Variants in PRAME observed in about 807,000 individuals in gnomAD.
PRAME encodes melanoma antigen preferentially expressed in tumors.
A neutral mutation model predicts 32.1 loss-of-function variants in PRAME; 21 were observed. That is an observed-to-expected ratio of 0.65 (90% CI 0.46 to 0.94). The LOEUF is 0.94. Ranked by LOEUF, PRAME falls within the 40% of genes least tolerant of loss-of-function variation. PRAME has a pLI of 0.00. For missense variants in PRAME, 651 were observed against 622.3 expected, an observed-to-expected ratio of 1.05 and a Z score of -0.49; for synonymous variants, 274 against 251.5, an observed-to-expected ratio of 1.09 and a Z score of -0.85.
intron 2 of PRAME, 175 bp from the exon 3 acceptor site, chr22:22,557,084 G>A (rs1206458847): frequency 1.2e-5 from 7 of 573,492 alleles, no homozygotes; most frequent in Non-Finnish European, 2.2e-5. Flanking sequence ...AGTGTTTCCT[G>A]GGCTGAACCA....
chr22:22,550,520 A>G (rs1021774000), intron 4 of PRAME, among the ~76,000 whole-genome samples, 186 bp from the exon 5 acceptor site: 2 of 151,824 alleles, frequency 1.3e-5, no homozygotes, highest in South Asian at 2.1e-4. Context: ...CTGGTCCCCA[A>G]TTCCCACCCC....
intron 3 of PRAME, chr22:22,556,000 T>A: frequency 2.4e-6 from 1 of 422,786 alleles, no homozygotes; most frequent in Non-Finnish European, 5.1e-6. Context: ...AAGATTTTTT[T>A]TTTTTTTTTG....
chr22:22,559,262 C>G lies in PRAME; in HGVS notation c.-405G>C, dbSNP rs2063184717. 1 of 324,572 alleles carries G rather than the reference C, an allele frequency of 3.1e-6. No homozygotes were observed. Among genetic ancestry groups the G allele is most frequent in the African/African-American group, 2.3e-5 (1 of 42,870 alleles). 20.1% of individuals were successfully genotyped at this position (324,572 alleles called of 1,614,324 possible). ...GGCCCGGCTTCTGGCTGCGGGGGAG[C>G]TGTACCCTGAAGCCTCGCCGGAACT... On this transcript the variant is annotated 5_prime_UTR_variant, in exon 1 of 6. Transcript: ENST00000405655.
rs140739353 is a variant in PRAME at position 22,550,092 on chromosome 22, A to G, written c.587T>C (p.Ile196Thr). The G allele has an allele frequency of 2.5e-4, 399 of 1,613,886 alleles. 2 individuals carry two copies. The highest frequency in any genetic ancestry group is 2.8e-4 in the Non-Finnish European group (335 of 1,179,958). ...ATTTTTCTTTCGCTTCACTTTCTCA[A>G]TGAGGTAGGAGAACAATTCATCACA... ...GACDELFSYLIEKVKRKKNVL... is the reference protein window; with the variant it reads ...GACDELFSYLTEKVKRKKNVL... The change falls in exon 5 of 6, where the codon ATT becomes ACT. Residue 196 changes from isoleucine to threonine, a missense_variant. Coordinates refer to ENST00000405655, the MANE Select transcript of PRAME (RefSeq NM_206956.3).
At chr22:22,549,536 C>A (rs1175983906) in intron 5 of PRAME, among the ~76,000 whole-genome samples, 190 bp downstream of exon 5, 2 of 151,896 alleles carry the variant, frequency 1.3e-5, no homozygotes, top group African/African-American at 4.8e-5. Context: ...CTAATGTATA[C>A]CTCTAACCCT....
At position 22,548,434 on chromosome 22, in the gene PRAME, C is replaced by T; in HGVS notation, c.1163G>A (p.Cys388Tyr). The T allele has an allele frequency of 3.1e-6, 5 of 1,613,662 alleles. No individual in the cohort carries two copies. The highest frequency in any genetic ancestry group is 4.2e-6 in the Non-Finnish European group (5 of 1,179,936). Residue 388 changes from cysteine to tyrosine, a missense_variant, in exon 6 of 6, where the codon TGT becomes TAT. By Grantham distance (194) the Cys-to-Tyr change is radical. Coordinates refer to ENST00000405655, the MANE Select transcript of PRAME (RefSeq NM_206956.3). ...ATLQDLVFDE[C>Y]GITDDQLLAL... Reference sequence around the variant, plus strand: ...AAGGAGCTGATCATCCGTGATCCCACACTCATCAAAGACCAGGTCCTGGAG... The same window carrying T: ...AAGGAGCTGATCATCCGTGATCCCATACTCATCAAAGACCAGGTCCTGGAG...
intron 3 of PRAME, among the ~76,000 whole-genome samples, chr22:22,555,012 C>T (rs536753303): frequency 6.6e-6 from 1 of 152,080 alleles, no homozygotes; most frequent in Admixed American, 6.5e-5. Flanking sequence ...GAAGCAGCAC[C>T]AGGGGCACAT....
At chr22:22,549,075 G>A (rs1898674886) in intron 5 of PRAME, among the ~76,000 whole-genome samples, 1 of 151,928 alleles carries the variant, frequency 6.6e-6, no homozygotes, top group Non-Finnish European at 1.5e-5. Flanking sequence ...GCCTGATGAA[G>A]CTACTAGGGA....
chr22:22,556,059 T>A, intron 3 of PRAME: 1 of 342,128 alleles, frequency 2.9e-6, no homozygotes, highest in Non-Finnish European at 6.1e-6. Context: ...ACTGGCACCA[T>A]CTTGGCTCAC....
At chr22:22,555,976 G>A (rs1188379829) in intron 3 of PRAME, 1 of 440,984 alleles carries the variant, frequency 2.3e-6, no homozygotes, top group Non-Finnish European at 4.7e-6. Flanking sequence ...TGGCAATAAG[G>A]TCCACAATGC....
chr22:22,556,740 G>C (rs1412742781), intron 3 of PRAME, 72 bp downstream of exon 3: 1 of 1,581,440 alleles, frequency 6.3e-7, no homozygotes. Flanking sequence ...GCTCCCATCT[G>C]GCTCGAGTGA....
chr22:22,555,807 G>A (rs2062872043), intron 3 of PRAME: 1 of 458,052 alleles, frequency 2.2e-6, no homozygotes, highest in African/African-American at 2.0e-5. Context: ...GTGCAATCTT[G>A]TTGCTCACTT....
intron 2 of PRAME, 34 bp from the exon 3 acceptor site, chr22:22,556,943 G>A (rs8139318): frequency 0.61 from 840,947 of 1,372,272 alleles, 260,583 homozygotes; most frequent in East Asian, 0.76. Context: ...CCAAAAAGAA[G>A]AATACATGTA....
intron 1 of PRAME, 183 bp from the exon 2 acceptor site, chr22:22,557,763 G>C (rs1251996768): frequency 5.0e-5 from 2 of 40,240 alleles, no homozygotes; most frequent in Non-Finnish European, 8.5e-5. Context: ...AGAGGGGCTT[G>C]TTTTCAAAGA....
intron 3 of PRAME, chr22:22,552,963 A>T (rs934212114): frequency 2.1e-6 from 1 of 470,524 alleles, no homozygotes; most frequent in Non-Finnish European, 4.4e-6. Context: ...TGCCAACGGA[A>T]GAGCCAAATC....
intron 3 of PRAME, chr22:22,555,896 G>A (rs1397834586): frequency 6.4e-6 from 3 of 470,730 alleles, no homozygotes; most frequent in African/African-American, 4.0e-5. Context: ...CATACTCTCT[G>A]ACACCACTGG....
Position 22,557,438 on chromosome 22 carries a change from C to T in PRAME, c.-78+107G>A, listed in dbSNP as rs572522143. The T allele has an allele frequency of 5.1e-5, 8 of 155,646 alleles. 1 individual carries two copies. In the South Asian group the frequency reaches 1.6e-3, roughly 31 times the overall value. 9.6% of individuals were successfully genotyped at this position (155,646 alleles called of 1,614,324 possible). ...GGCGCACATTATTTTCTTTGGTCTTCAACCCATTTCCAGAGAGAAAACAGG... is the reference window on the plus strand; with the variant it reads ...GGCGCACATTATTTTCTTTGGTCTTTAACCCATTTCCAGAGAGAAAACAGG... On this transcript the variant is annotated intron_variant, in intron 2 of 5. Coordinates refer to ENST00000405655, the MANE Select transcript of PRAME (RefSeq NM_206956.3).
At chr22:22,549,198 A>T (rs2062419150) in intron 5 of PRAME, among the ~76,000 whole-genome samples, 1 of 151,802 alleles carries the variant, frequency 6.6e-6, no homozygotes, top group Non-Finnish European at 1.5e-5. Flanking sequence ...CAATTTTTGC[A>T]ATTTCTCTGT....
chr22:22,556,821 C>A lies in PRAME; in HGVS notation c.12G>T (p.Arg4Ser), dbSNP rs1485617163. Residue 4 changes from arginine (R) to serine (S), a missense_variant, in exon 3 of 6, where the codon AGG (arginine) becomes AGT (serine). Physicochemically the swap from Arg to Ser is moderately radical, Grantham distance 110. Transcript: ENST00000405655. ...CAGGGGACCTTCTTACCCACAAACGCCTTCGTTCCATTTTGAAGCGACTTA... is the reference window on the plus strand; with the variant it reads ...CAGGGGACCTTCTTACCCACAAACGACTTCGTTCCATTTTGAAGCGACTTA... MERRRLWGSIQSRY... is the reference protein window; with the variant it reads MERSRLWGSIQSRY... The A allele has an allele frequency of 1.2e-6, 2 of 1,612,770 alleles. No individual in the cohort carries two copies. Among genetic ancestry groups the A allele is most frequent in the Middle Eastern group, 1.6e-4 (1 of 6,072 alleles).
Sources: allele counts gnomAD v4.1 joint callset (sites outside exome capture counted in the v4.1 genomes callset), GRCh38; gene constraint gnomAD v4.1.1; transcripts MANE v1.5; gene names NCBI Gene and HGNC (gene_info 2026-07-23, HGNC 2026-07-21).